Variants in EPB41L4A observed in about 807,000 individuals in gnomAD.
The protein encoded by EPB41L4A is erythrocyte membrane protein band 4.1 like 4A.
EPB41L4A carries 100 observed loss-of-function variants against 108.6 expected under a neutral mutation model. The ratio of observed to expected loss-of-function variants is 0.92; its 90% confidence interval spans 0.78 to 1.09. EPB41L4A has a LOEUF of 1.09. Among genes scored for constraint, EPB41L4A ranks in the 50% least tolerant of loss-of-function variants. EPB41L4A has a pLI of 0.00. For synonymous variants in EPB41L4A, 319 were observed against 289.0 expected, an observed-to-expected ratio of 1.10 and a Z score of -1.05; for missense variants, 1,030 against 842.7, an observed-to-expected ratio of 1.22 and a Z score of -2.75.
intron 2 of EPB41L4A, among the ~76,000 whole-genome samples, chr5:112,302,180 C>T (rs1754403913): frequency 6.6e-6 from 1 of 151,964 alleles, no homozygotes; most frequent in Non-Finnish European, 1.5e-5. Flanking sequence ...CAATTCTCAA[C>T]CTAAAATTAC....
At chr5:112,405,111 A>G (rs1327374641) in intron 1 of EPB41L4A, among the ~76,000 whole-genome samples, 1 of 152,224 alleles carries the variant, frequency 6.6e-6, no homozygotes, top group Non-Finnish European at 1.5e-5. Context: ...ATGTTATAAA[A>G]GACTGTGGCT....
At chr5:112,304,826 T>G (rs1036164810) in intron 2 of EPB41L4A, among the ~76,000 whole-genome samples, 5 of 152,176 alleles carry the variant, frequency 3.3e-5, no homozygotes, top group Non-Finnish European at 5.9e-5. Flanking sequence ...AGCATTTTAT[T>G]GTCAATTTAC....
rs369594927 is a variant in EPB41L4A at position 112,362,481 on chromosome 5, A to C, written c.100-54991T>G. Among the ~76,000 whole-genome samples the C allele has an allele frequency of 1.7e-4, 26 of 152,058 alleles. 1 individual carries two copies. Among genetic ancestry groups the C allele is most frequent in the Admixed American group, 1.0e-3 (16 of 15,278 alleles). ...TTTTTAGTAGACACGGGATTTCACCATGTTGCCCAGGCTGGTCTCAAACTC... is the reference window on the plus strand; with the variant it reads ...TTTTTAGTAGACACGGGATTTCACCCTGTTGCCCAGGCTGGTCTCAAACTC... On this transcript the variant is annotated intron_variant, in intron 1 of 22. Coordinates refer to ENST00000261486, the MANE Select transcript of EPB41L4A (RefSeq NM_022140.5).
chr5:112,214,641 C>CT (rs1390074766), intron 12 of EPB41L4A, among the ~76,000 whole-genome samples: 1 of 152,124 alleles, frequency 6.6e-6, no homozygotes, highest in Non-Finnish European at 1.5e-5. Flanking sequence ...TGGTGGGCAC[C>CT]TGTAGTCCCA....
intron 4 of EPB41L4A, among the ~76,000 whole-genome samples, 194 bp from the exon 5 acceptor site, chr5:112,266,524 G>A (rs1228183406): frequency 3.3e-5 from 5 of 152,158 alleles, no homozygotes; most frequent in African/African-American, 4.8e-5. Context: ...CACGGTTGTC[G>A]CTAAAAAGTG....
chr5:112,172,547 A>G (rs573347765), intron 18 of EPB41L4A, among the ~76,000 whole-genome samples: 2 of 152,170 alleles, frequency 1.3e-5, no homozygotes, highest in South Asian at 2.1e-4. Flanking sequence ...TTTCTTACAA[A>G]TCATAGAAAC....
upstream of EPB41L4A, chr5:112,419,916 A>C (rs1170928908): frequency 1.1e-5 from 5 of 456,334 alleles, no homozygotes; most frequent in Non-Finnish European, 2.2e-5. Context: ...ACATTCAGCA[A>C]AGCGGGGAGG....
chr5:112,314,379 G>A (rs1755269019), intron 1 of EPB41L4A, among the ~76,000 whole-genome samples: 1 of 151,474 alleles, frequency 6.6e-6, no homozygotes, highest in African/African-American at 2.4e-5. Flanking sequence ...GAAAAGATAT[G>A]GAAGTCAGCC....
intron 17 of EPB41L4A, among the ~76,000 whole-genome samples, chr5:112,186,079 C>G (rs1322207220): frequency 6.6e-6 from 1 of 152,154 alleles, no homozygotes; most frequent in East Asian, 1.9e-4. Context: ...CAGGATTGGA[C>G]ACAAAACTCA....
chr5:112,303,333 T>G (rs1256559311), intron 2 of EPB41L4A, among the ~76,000 whole-genome samples: 1 of 152,152 alleles, frequency 6.6e-6, no homozygotes, highest in Non-Finnish European at 1.5e-5. Flanking sequence ...CTCAGAGTAC[T>G]CGGGGGCAGG....
intron 1 of EPB41L4A, among the ~76,000 whole-genome samples, chr5:112,372,992 C>T (rs965347719): frequency 1.3e-5 from 2 of 152,156 alleles, no homozygotes; most frequent in African/African-American, 4.8e-5. Context: ...CTAATAGTTC[C>T]ATATATTCTT....
chr5:112,235,882 C>A lies in EPB41L4A; in HGVS notation c.966-1127G>T, dbSNP rs77035810. ...ATGGAAATTCGGGAGGGGAGAGGAG[C>A]AAACTGACAGATTTTCTTTTGCTTG... On this transcript the variant is annotated intron_variant, in intron 11 of 22. Transcript: ENST00000261486. Among the ~76,000 whole-genome samples the A allele has an allele frequency of 0.014, 2,192 of 152,214 alleles. 221 individuals are homozygous for A. The East Asian group carries it at 0.26, about 18-fold the overall frequency.
At chr5:112,260,909 C>A (rs1561519629) in intron 7 of EPB41L4A, among the ~76,000 whole-genome samples, 1 of 152,198 alleles carries the variant, frequency 6.6e-6, no homozygotes, top group South Asian at 2.1e-4. Flanking sequence ...AAGGAATGCA[C>A]TGAAGAGTCT....
intron 1 of EPB41L4A, among the ~76,000 whole-genome samples, chr5:112,413,787 C>A (rs1333314456): frequency 2.0e-5 from 3 of 152,142 alleles, no homozygotes; most frequent in African/African-American, 7.2e-5. Context: ...TCAAAACAAT[C>A]TGGAATATTT....
chr5:112,411,746 C>A (rs1326740671), intron 1 of EPB41L4A, among the ~76,000 whole-genome samples: 2 of 152,164 alleles, frequency 1.3e-5, no homozygotes, highest in Non-Finnish European at 2.9e-5. Context: ...ATACAGCACT[C>A]CCATTAGGAG....
chr5:112,178,424 C>T (rs1760980431), intron 18 of EPB41L4A, among the ~76,000 whole-genome samples: 1 of 152,056 alleles, frequency 6.6e-6, no homozygotes, highest in Admixed American at 6.6e-5. Context: ...AAAAAAAAGA[C>T]ACAATCTGAA....
chr5:112,407,671 A>T (rs531446866), intron 1 of EPB41L4A, among the ~76,000 whole-genome samples: 1 of 152,334 alleles, frequency 6.6e-6, no homozygotes, highest in Admixed American at 6.5e-5. Context: ...CCACCAAGTG[A>T]TTTACAGAAA....
chr5:112,272,537 T>G (rs1225253978), intron 4 of EPB41L4A, among the ~76,000 whole-genome samples: 6 of 151,700 alleles, frequency 4.0e-5, no homozygotes, highest in Non-Finnish European at 8.8e-5. Context: ...TACAGCACTT[T>G]GGGAGGCCAA....
chr5:112,162,745 A>G lies in EPB41L4A; in HGVS notation c.*2245T>C, dbSNP rs562681794. On this transcript the variant is annotated 3_prime_UTR_variant, in exon 23 of 23. Coordinates refer to ENST00000261486, the MANE Select transcript of EPB41L4A (RefSeq NM_022140.5). ...GAGGGAATGTCATCACAAATGTAAA[A>G]CTTCACTATGAGATGAGTTCCGTGA... is the stretch of plus-strand genomic sequence containing the variant. The G allele has an allele frequency of 6.6e-6, 1 of 152,224 alleles. No homozygotes were observed. Among genetic ancestry groups the G allele is most frequent in the East Asian group, 1.9e-4 (1 of 5,182 alleles). The allele number at this position is 152,224 out of a possible 1,614,324, so 9.4% of individuals were successfully genotyped here.
Sources: allele counts gnomAD v4.1 joint callset (sites outside exome capture counted in the v4.1 genomes callset), GRCh38; gene constraint gnomAD v4.1.1; transcripts MANE v1.5; gene names NCBI Gene and HGNC (gene_info 2026-07-23, HGNC 2026-07-21).